The following MED13L variants were observed in gnomAD, a reference collection of about 807,000 sequenced individuals.
MED13L encodes mediator complex subunit 13L, also known as mediator of RNA polymerase II transcription subunit 13-like.
MED13L carries 7 observed loss-of-function variants against 220.9 expected under a neutral mutation model. That is an observed-to-expected ratio of 0.03 (90% CI 0.02 to 0.06). The LOEUF is 0.06. Ranked by LOEUF, MED13L falls within the 10% of genes least tolerant of loss-of-function variation. The pLI is 1.00. For missense variants in MED13L, 1,965 were observed against 2,760.5 expected (o/e 0.71, Z 6.46); for synonymous variants, 1,011 against 1,015.2 (o/e 1.00, Z 0.08).
intron 4 of MED13L, among the ~76,000 whole-genome samples, chr12:116,029,673 CAAG>C (rs1566019191): frequency 6.6e-6 from 1 of 151,956 alleles, no homozygotes; most frequent in Non-Finnish European, 1.5e-5. Context: ...AAGAGAAACT[CAAG>C]AAGAAAAGTA....
chr12:116,239,388 T>C (rs1018520174), intron 1 of MED13L, among the ~76,000 whole-genome samples: 4 of 152,200 alleles, frequency 2.6e-5, no homozygotes, highest in African/African-American at 9.7e-5. Context: ...ATAATCACAT[T>C]ATAATAATCA....
At chr12:116,007,225 G>A (rs1293991779) in intron 11 of MED13L, 186 bp downstream of exon 11, 15 of 650,462 alleles carry the variant, frequency 2.3e-5, no homozygotes, top group Non-Finnish European at 3.8e-5. Flanking sequence ...TTAAACAAAG[G>A]TGAGCCATGA....
intron 2 of MED13L, among the ~76,000 whole-genome samples, chr12:116,196,971 T>C (rs1881668177): frequency 6.6e-6 from 1 of 152,200 alleles, no homozygotes; most frequent in South Asian, 2.1e-4. Context: ...TCAATGGGAA[T>C]CTTTCAAAGA....
At chr12:116,063,499 C>T (rs112019999) in intron 4 of MED13L, among the ~76,000 whole-genome samples, 57 of 152,306 alleles carry the variant, frequency 3.7e-4, no homozygotes, top group African/African-American at 1.3e-3. Context: ...GCCTGGGCAA[C>T]AGAACAAGAC....
chr12:116,185,338 A>G (rs1880810725), intron 2 of MED13L, among the ~76,000 whole-genome samples: 1 of 151,824 alleles, frequency 6.6e-6, no homozygotes, highest in Admixed American at 6.6e-5. Context: ...TCACTATAAC[A>G]CAAGTTCATT....
intron 16 of MED13L, among the ~76,000 whole-genome samples, chr12:115,993,827 A>AC (rs1251784629): frequency 6.6e-6 from 1 of 152,210 alleles, no homozygotes; most frequent in Non-Finnish European, 1.5e-5. Flanking sequence ...CTGAGTAGCA[A>AC]CCCTACGCTA....
chr12:116,206,646 CTCT>C (rs979380055), intron 2 of MED13L, among the ~76,000 whole-genome samples: 1 of 151,990 alleles, frequency 6.6e-6, no homozygotes, highest in African/African-American at 2.4e-5. Flanking sequence ...ACCTGTCCTC[CTCT>C]TATTATTAAA....
chr12:116,155,281 G>A (rs1258823993), intron 2 of MED13L, among the ~76,000 whole-genome samples: 1 of 152,088 alleles, frequency 6.6e-6, no homozygotes, highest in African/African-American at 2.4e-5. Context: ...AATTAGCCAG[G>A]TGTGGGTGGT....
intron 4 of MED13L, among the ~76,000 whole-genome samples, chr12:116,049,861 A>T (rs1294976944): frequency 6.6e-6 from 1 of 152,222 alleles, no homozygotes; most frequent in African/African-American, 2.4e-5. Flanking sequence ...TCAATTTAAT[A>T]GATTTCAACC....
At chr12:116,215,811 G>A (rs557767525) in intron 2 of MED13L, among the ~76,000 whole-genome samples, 27 of 151,942 alleles carry the variant, frequency 1.8e-4, no homozygotes, top group Non-Finnish European at 3.5e-4. Flanking sequence ...AAGAATGATG[G>A]AACCACCTCT....
At chr12:116,112,960 A>C (rs566212806) in intron 2 of MED13L, among the ~76,000 whole-genome samples, 2 of 152,332 alleles carry the variant, frequency 1.3e-5, no homozygotes, top group Middle Eastern at 6.8e-3. Context: ...CCAGGAGAAG[A>C]GGGGAAGGTG....
intron 2 of MED13L, among the ~76,000 whole-genome samples, chr12:116,196,980 G>C (rs1881668705): frequency 6.6e-6 from 1 of 152,124 alleles, no homozygotes; most frequent in South Asian, 2.1e-4. Flanking sequence ...ATCTTTCAAA[G>C]ATATATAGTA....
At chr12:116,091,335 AAACT>A in intron 4 of MED13L, among the ~76,000 whole-genome samples, 1 of 152,270 alleles carries the variant, frequency 6.6e-6, no homozygotes, top group Middle Eastern at 3.4e-3. Flanking sequence ...TGAAAAATAA[AAACT>A]AACAGTCATA....
intron 9 of MED13L, among the ~76,000 whole-genome samples, chr12:116,010,235 A>C (rs1879310198): frequency 1.3e-5 from 2 of 152,216 alleles, no homozygotes; most frequent in East Asian, 1.9e-4. Flanking sequence ...ACTCTAAAAA[A>C]ATAAAAACAA....
At position 116,096,751 on chromosome 12, in the gene MED13L, A is replaced by C; in HGVS notation, c.397T>G (p.Cys133Gly). 1 of 1,611,688 alleles carries C rather than the reference A, an allele frequency of 6.2e-7. No individual in the cohort carries two copies. Among genetic ancestry groups the C allele is most frequent in the Non-Finnish European group, 8.5e-7 (1 of 1,177,860 alleles). The change falls in exon 4 of 31, where the codon TGC becomes GGC. Residue 133 changes from cysteine (C) to glycine (G), a missense_variant and splice_region_variant. Around this residue, in one of 10 missense-constraint regions of MED13L, gnomAD observed 818 missense variants for 1,041.2 expected, o/e 0.79. Transcript: ENST00000281928. Reference protein sequence around the residue: ...FKAIHNLLERCLMDKNFVRIG... With the variant: ...FKAIHNLLERGLMDKNFVRIG... ...CTAACGAAGTTCTTATCCATTAGGC[A>C]CCTAAAATAATTACATCAAGAATTA...
intron 1 of MED13L, among the ~76,000 whole-genome samples, chr12:116,275,740 TC>T (rs923800865): frequency 6.6e-6 from 1 of 151,218 alleles, no homozygotes; most frequent in Non-Finnish European, 1.5e-5. Context: ...GGGACTCACC[TC>T]CCCCCCAAAA....
Position 116,029,957 on chromosome 12 carries a change from T to TTTTG in MED13L, c.480-7360_480-7357dup, listed in dbSNP as rs141391277. Among the ~76,000 whole-genome samples the TTTTG allele has an allele frequency of 5.3e-4, 80 of 151,864 alleles. 1 individual carries two copies. Among genetic ancestry groups the TTTTG allele is most frequent in the African/African-American group, 1.6e-3 (68 of 41,438 alleles). ...ACAGTCTACATACTCTTTTTGGGTT[T>TTTTG]TTTGTTTGTTTGTTTGTTTGTTTGT... is the stretch of plus-strand genomic sequence containing the variant. On this transcript the variant is annotated intron_variant, in intron 4 of 30. Transcript: ENST00000281928.
intron 1 of MED13L, 27 bp downstream of exon 1, chr12:116,277,032 GC>G (rs1395243894): frequency 9.8e-7 from 1 of 1,021,370 alleles, no homozygotes; most frequent in Admixed American, 2.0e-5. Context: ...CCCCGGCACA[GC>G]CCCCTCCCCG....
chr12:116,149,738 T>A (rs560817093), intron 2 of MED13L, among the ~76,000 whole-genome samples: 97 of 151,072 alleles, frequency 6.4e-4, no homozygotes, highest in African/African-American at 2.3e-3. Flanking sequence ...AGAAACAACA[T>A]GAATAAAAAC....
Sources: allele counts gnomAD v4.1 joint callset (sites outside exome capture counted in the v4.1 genomes callset), GRCh38; gene constraint gnomAD v4.1.1; regional missense constraint gnomAD v4.1.1; transcripts MANE v1.5; gene names NCBI Gene and HGNC (gene_info 2026-07-23, HGNC 2026-07-21).